PARG: variants seen among roughly 807,000 people sequenced by gnomAD.
PARG encodes the protein mitochondrial poly(ADP-ribose) glycohydrolase.
In PARG, 35 loss-of-function variants were observed where a neutral mutation model predicts 113.0. That is an observed-to-expected ratio of 0.31 (90% CI 0.24 to 0.41). The LOEUF is 0.41. Ranked by LOEUF, PARG falls within the 10% of genes least tolerant of loss-of-function variation. The pLI is 1.00. For missense variants in PARG, 797 were observed against 1,169.4 expected (o/e 0.68, Z 4.64); for synonymous variants, 330 against 409.9 (o/e 0.81, Z 2.36).
chr10:49,862,440 T>C (rs1846298722), intron 11 of PARG, among the ~76,000 whole-genome samples: 1 of 151,894 alleles, frequency 6.6e-6, no homozygotes, highest in East Asian at 1.9e-4. Context: ...GATGATTATA[T>C]TTTTAGAAAA....
At chr10:49,935,280 G>A (rs1306782134) in intron 1 of PARG, 138 bp from the exon 2 acceptor site, 465 of 573,506 alleles carry the variant, frequency 8.1e-4, no homozygotes, top group Non-Finnish European at 1.4e-3. Context: ...CAAGTATATG[G>A]GTAAGACAGG....
chr10:49,827,211 A>G lies in PARG; in HGVS notation c.2647+5592T>C, dbSNP rs571284463. Among the ~76,000 whole-genome samples the G allele has an allele frequency of 4.1e-3, 624 of 152,360 alleles. 4 individuals carry two copies. Among genetic ancestry groups the G allele is most frequent in the Non-Finnish European group, 7.1e-3 (486 of 68,038 alleles). ...AGGTACAGACAGACAGTTACAGAAA[A>G]ATGGGCAAAGCCCAAGATTAATTAA... is the stretch of plus-strand genomic sequence containing the variant. On this transcript the variant is annotated intron_variant, in intron 16 of 17. Coordinates refer to ENST00000616448, the MANE Select transcript of PARG (RefSeq NM_003631.5).
intron 6 of PARG, 58 bp downstream of exon 6, chr10:49,922,278 T>A: frequency 2.0e-5 from 31 of 1,541,036 alleles, no homozygotes; most frequent in Non-Finnish European, 2.5e-5. Context: ...GACCAAAAAG[T>A]CTTTGAAAGA....
chr10:49,909,967 A>G (rs1490568248), intron 7 of PARG: 3 of 152,390 alleles, frequency 2.0e-5, no homozygotes, highest in Non-Finnish European at 2.9e-5. Flanking sequence ...GTAAATAAAT[A>G]AAAGTGGATT....
chr10:49,893,727 T>TC (rs1588953864), intron 7 of PARG, among the ~76,000 whole-genome samples: 1 of 151,782 alleles, frequency 6.6e-6, no homozygotes, highest in East Asian at 1.9e-4. Flanking sequence ...GGAGTCTCCC[T>TC]GTGTTGCCCA....
chr10:49,920,497 TACACACACACACAC>T (rs1201395602), intron 6 of PARG, among the ~76,000 whole-genome samples: 13 of 63,710 alleles, frequency 2.0e-4, no homozygotes, highest in East Asian at 3.1e-4. Context: ...TATATATATA[TACACACACACACAC>T]ATATATATGT....
intron 7 of PARG, among the ~76,000 whole-genome samples, chr10:49,894,464 T>A (rs1847977825): frequency 6.6e-6 from 1 of 152,174 alleles, no homozygotes; most frequent in South Asian, 2.1e-4. Context: ...GAAATCTTTG[T>A]CGACTCCCAA....
At chr10:49,931,275 G>A (rs1168626988) in intron 4 of PARG, among the ~76,000 whole-genome samples, 5 of 152,054 alleles carry the variant, frequency 3.3e-5, no homozygotes, top group African/African-American at 9.7e-5. Context: ...CATGGTAACA[G>A]CCCTTTCCCA....
intron 7 of PARG, among the ~76,000 whole-genome samples, chr10:49,887,562 A>G (rs538592874): frequency 1.8e-4 from 28 of 152,290 alleles, no homozygotes; most frequent in Non-Finnish European, 3.7e-4. Context: ...TTTGAAATTG[A>G]CTTTTTTTAC....
intron 9 of PARG, among the ~76,000 whole-genome samples, chr10:49,876,816 G>A (rs1390256734): frequency 6.7e-6 from 1 of 149,942 alleles, no homozygotes; most frequent in African/African-American, 2.5e-5. Context: ...TTGTACATTT[G>A]AACTAAACAT....
intron 11 of PARG, among the ~76,000 whole-genome samples, chr10:49,862,409 A>T (rs1846296590): frequency 6.6e-6 from 1 of 151,590 alleles, no homozygotes; most frequent in South Asian, 2.1e-4. Flanking sequence ...GAGTGCCCAT[A>T]ATCTTTTTTG....
rs182988733 is a variant in PARG, at chr10:49,840,426, A to T, written c.2541+1524T>A. Reference sequence around the variant, plus strand: ...AAACAAAAAACACAACAAAAAAAAAAATCTTCAGTACAGGCAAATCTCTGA... The same window carrying T: ...AAACAAAAAACACAACAAAAAAAAATATCTTCAGTACAGGCAAATCTCTGA... On this transcript the variant is annotated intron_variant, in intron 15 of 17. Transcript: ENST00000616448. 1.1e-4 allele frequency among the ~76,000 whole-genome samples: 17 copies of T among 152,066 alleles called. No homozygotes were observed. In the East Asian group the frequency reaches 2.9e-3, roughly 26 times the overall value.
At chr10:49,894,880 C>G (rs761832528) in intron 7 of PARG, among the ~76,000 whole-genome samples, 1 of 152,168 alleles carries the variant, frequency 6.6e-6, no homozygotes, top group African/African-American at 2.4e-5. Context: ...GGTAGTATCA[C>G]GCTCCCTATG....
intron 11 of PARG, among the ~76,000 whole-genome samples, chr10:49,862,889 C>T (rs1193628567): frequency 6.7e-6 from 1 of 149,790 alleles, no homozygotes; most frequent in Non-Finnish European, 1.5e-5. Flanking sequence ...AGAGGAAGAC[C>T]CCTGTAAGCA....
rs1256978953 is a variant in PARG at position 49,818,707 on chromosome 10, C to T, written c.*633G>A. The stretch of plus-strand genomic sequence containing the variant: ...AAAATACTGATCAGAGGAAAAAAGA[C>T]AGACAAACCATTACAGATAAAAATG... On this transcript the variant is annotated 3_prime_UTR_variant, in exon 18 of 18. Transcript: ENST00000616448. 6.6e-6 allele frequency: 1 copy of T among 152,010 alleles called. No homozygotes were observed. Among genetic ancestry groups the T allele is most frequent in the Non-Finnish European group, 1.5e-5 (1 of 68,008 alleles). 9.4% of individuals were successfully genotyped at this position (152,010 alleles called of 1,614,324 possible).
intron 4 of PARG, among the ~76,000 whole-genome samples, chr10:49,928,291 T>C (rs1589006226): frequency 1.3e-5 from 2 of 149,688 alleles, no homozygotes; most frequent in Non-Finnish European, 3.0e-5. Context: ...AAAAGTCAGA[T>C]GTGACAGAAT....
At chr10:49,844,508 A>T in intron 13 of PARG, among the ~76,000 whole-genome samples, 1 of 151,892 alleles carries the variant, frequency 6.6e-6, no homozygotes, top group South Asian at 2.1e-4. Context: ...CTGTAATCCC[A>T]GCTACTCAGG....
At chr10:49,892,486 T>A (rs192794252) in intron 7 of PARG, among the ~76,000 whole-genome samples, 667 of 152,126 alleles carry the variant, frequency 4.4e-3, no homozygotes, top group East Asian at 0.018. Context: ...AGTCTTTCTG[T>A]ATTATACAAT....
chr10:49,855,016 C>A (rs1441722993), intron 13 of PARG, among the ~76,000 whole-genome samples: 4 of 150,866 alleles, frequency 2.7e-5, no homozygotes, highest in African/African-American at 9.7e-5. Flanking sequence ...GTAACTGCCC[C>A]TGAGGAGCCC....
Sources: gnomAD v4.1 joint callset for allele counts (sites outside exome capture counted in the v4.1 genomes callset) on GRCh38, gnomAD v4.1.1 for gene constraint, MANE v1.5 for transcripts, NCBI Gene and HGNC (gene_info 2026-07-23, HGNC 2026-07-21) for gene names.